The following VPS13D variants were observed in gnomAD, a reference collection of about 807,000 sequenced individuals.
VPS13D encodes the protein intermembrane lipid transfer protein VPS13D.
Under a neutral mutation model 461.9 loss-of-function variants are expected in VPS13D, and 187 were observed. The observed-to-expected ratio is 0.40, with a 90% CI of 0.36 to 0.46. The LOEUF (loss-of-function observed/expected upper bound fraction) is 0.46, where lower values mean the gene tolerates loss of function less well. Ranked by LOEUF, VPS13D falls within the 20% of genes least tolerant of loss-of-function variation. The pLI is 0.60. For synonymous variants in VPS13D, 1,951 were observed against 1,986.3 expected, an observed-to-expected ratio of 0.98 and a Z score of 0.47; for missense variants, 4,711 against 5,364.9, an observed-to-expected ratio of 0.88 and a Z score of 3.81.
At chr1:12,343,176 T>C (rs1375975369) in intron 42 of VPS13D, 125 bp downstream of exon 42, 7 of 783,902 alleles carry the variant, frequency 8.9e-6, no homozygotes, top group South Asian at 4.5e-5. Flanking sequence ...CTTATCTTAT[T>C]TTATTTTATT....
At chr1:12,369,262 G>T (rs1170295162) in intron 53 of VPS13D, among the ~76,000 whole-genome samples, 1 of 151,794 alleles carries the variant, frequency 6.6e-6, no homozygotes, top group East Asian at 1.9e-4. Context: ...TGTAGCACAT[G>T]TCTTTTAATT....
chr1:12,254,392 G>T (rs1640842230), intron 7 of VPS13D, among the ~76,000 whole-genome samples: 1 of 151,452 alleles, frequency 6.6e-6, no homozygotes, highest in African/African-American at 2.4e-5. Flanking sequence ...TCTTAAAGAG[G>T]AACTTTCTTA....
At chr1:12,493,049 T>C (rs975235792) in intron 67 of VPS13D, among the ~76,000 whole-genome samples, 1 of 148,996 alleles carries the variant, frequency 6.7e-6, no homozygotes, top group African/African-American at 2.5e-5. Flanking sequence ...GACCAACTTG[T>C]GGTCCACGAT....
chr1:12,281,650 T>C (rs115977111), intron 20 of VPS13D, among the ~76,000 whole-genome samples: 4,726 of 152,268 alleles, frequency 0.031, 134 homozygotes, highest in African/African-American at 0.07. Context: ...TTCTCTCTTA[T>C]TGATGTTAAA....
chr1:12,472,890 G>A (rs1645580958), intron 67 of VPS13D, among the ~76,000 whole-genome samples: 1 of 152,172 alleles, frequency 6.6e-6, no homozygotes, highest in African/African-American at 2.4e-5. Context: ...GGCAGTCTGT[G>A]GCTCTTCTTT....
chr1:12,382,384 A>G (rs1167392325), intron 57 of VPS13D, among the ~76,000 whole-genome samples: 10 of 152,162 alleles, frequency 6.6e-5, no homozygotes, highest in Non-Finnish European at 4.4e-5. Flanking sequence ...TTACAGGCTG[A>G]GCCACCTCGC....
intron 33 of VPS13D, 21 bp from the exon 34 acceptor site, chr1:12,322,515 A>T (rs536328113): frequency 1.4e-4 from 225 of 1,610,870 alleles, no homozygotes; most frequent in South Asian, 1.1e-3. Flanking sequence ...AAAAATTGCT[A>T]CCTTTTTTAC....
chr1:12,238,235 A>C (rs545839360), intron 2 of VPS13D, among the ~76,000 whole-genome samples: 1 of 131,482 alleles, frequency 7.6e-6, no homozygotes, highest in Non-Finnish European at 1.6e-5. Flanking sequence ...AATCCCCCCC[A>C]AAAAATATAT....
chr1:12,246,341 G>A (rs552953752), intron 5 of VPS13D, among the ~76,000 whole-genome samples: 8 of 152,298 alleles, frequency 5.3e-5, no homozygotes, highest in Admixed American at 1.3e-4. Context: ...TACAGGTCGA[G>A]TATCCCAAAT....
At chr1:12,333,398 A>G (rs1471558370) in intron 38 of VPS13D, 32 bp downstream of exon 38, 9 of 1,609,344 alleles carry the variant, frequency 5.6e-6, no homozygotes, top group African/African-American at 1.3e-5. Context: ...ATAGACTGAT[A>G]CCTTTCCGTA....
At chr1:12,420,580 C>T (rs1009052087) in intron 65 of VPS13D, among the ~76,000 whole-genome samples, 1 of 152,156 alleles carries the variant, frequency 6.6e-6, no homozygotes, top group African/African-American at 2.4e-5. Flanking sequence ...TATAAATGTG[C>T]ATTTTTCTGG....
chr1:12,429,924 A>G (rs767965461), intron 65 of VPS13D, among the ~76,000 whole-genome samples: 2 of 152,194 alleles, frequency 1.3e-5, no homozygotes, highest in Non-Finnish European at 2.9e-5. Context: ...TATTTATGGG[A>G]AATATTTGCT....
chr1:12,329,761 G>A, intron 36 of VPS13D, 68 bp from the exon 37 acceptor site: 2 of 1,155,146 alleles, frequency 1.7e-6, no homozygotes, highest in African/African-American at 3.1e-5. Context: ...TTTCTTTAAT[G>A]TCATCAGCAA....
At chr1:12,463,341 T>C (rs942257163) in intron 67 of VPS13D, among the ~76,000 whole-genome samples, 1 of 152,194 alleles carries the variant, frequency 6.6e-6, no homozygotes, top group Non-Finnish European at 1.5e-5. Flanking sequence ...TCCTTTATTG[T>C]GCAGAAAAAG....
chr1:12,401,374 C>G (rs1644578139), intron 61 of VPS13D, among the ~76,000 whole-genome samples: 1 of 152,134 alleles, frequency 6.6e-6, no homozygotes, highest in South Asian at 2.1e-4. Flanking sequence ...ACTAATGAGG[C>G]CCAGATTGCC....
In VPS13D at chr1:12,268,249, C is replaced by CTT. The variant is rs35267390; in HGVS notation, c.1801+349_1801+350dup. On this transcript the variant is annotated intron_variant, in intron 15 of 69. Transcript: ENST00000620676. ...ACAAGTGTGAGCCACCATGCCTGAG[C>CTT]TTTTTTTTTTTTTTTTTTTTTAATA... 1.7e-3 allele frequency among the ~76,000 whole-genome samples: 175 copies of CTT among 100,660 alleles called. 5 individuals carry two copies. The highest frequency in any genetic ancestry group is 5.6e-3 in the African/African-American group (149 of 26,750). The allele number at this position is 100,660 out of a possible 152,430, so 66.0% of individuals were successfully genotyped here.
intron 61 of VPS13D, among the ~76,000 whole-genome samples, chr1:12,400,962 G>GCACACACACA (rs55998605): frequency 2.3e-3 from 245 of 106,278 alleles, no homozygotes; most frequent in South Asian, 0.014. Context: ...CTGCGCGCGC[G>GCACACACACA]CACACACACA....
At chr1:12,251,704 A>G (rs1393422824) in intron 6 of VPS13D, among the ~76,000 whole-genome samples, 1 of 152,102 alleles carries the variant, frequency 6.6e-6, no homozygotes, top group Non-Finnish European at 1.5e-5. Flanking sequence ...CACTGTCACC[A>G]GACTTCTTTT....
chr1:12,267,797 TC>T, intron 14 of VPS13D, 47 bp from the exon 15 acceptor site: 1 of 1,548,404 alleles, frequency 6.5e-7, no homozygotes, highest in African/African-American at 1.4e-5. Context: ...TAGTGAATTG[TC>T]CCCTCTCACG....
Sources: allele counts gnomAD v4.1 joint callset (sites outside exome capture counted in the v4.1 genomes callset), GRCh38; gene constraint gnomAD v4.1.1; transcripts MANE v1.5; gene names NCBI Gene and HGNC (gene_info 2026-07-23, HGNC 2026-07-21).